Variants in ANGPT2 observed in about 807,000 individuals in gnomAD.
ANGPT2 encodes angiopoietin-2.
A neutral mutation model predicts 62.9 loss-of-function variants in ANGPT2; 28 were observed. That is an observed-to-expected ratio of 0.44 (90% CI 0.33 to 0.61). ANGPT2 has a LOEUF of 0.61. ANGPT2 is among the 20% of genes least tolerant of loss of function. ANGPT2 has a pLI of 0.03. For missense variants in ANGPT2, 727 were observed against 594.9 expected, an observed-to-expected ratio of 1.22 and a Z score of -2.31; for synonymous variants, 284 against 207.8, an observed-to-expected ratio of 1.37 and a Z score of -3.15.
chr8:6,544,729 A>G (rs1002653564), intron 1 of ANGPT2, among the ~76,000 whole-genome samples: 12 of 152,216 alleles, frequency 7.9e-5, no homozygotes, highest in African/African-American at 2.7e-4. Context: ...ATTCATTAAG[A>G]TAAAGACACA....
At chr8:6,516,705 AATG>A (rs1227234434) in intron 5 of ANGPT2, among the ~76,000 whole-genome samples, 1 of 152,190 alleles carries the variant, frequency 6.6e-6, no homozygotes, top group Non-Finnish European at 1.5e-5. Context: ...CTGTATCCTA[AATG>A]GTATGCTCTT....
At chr8:6,505,249 C>T (rs1183058968) in intron 8 of ANGPT2, among the ~76,000 whole-genome samples, 164 of 16,210 alleles carry the variant, frequency 0.01, 26 homozygotes, top group African/African-American at 0.024. Flanking sequence ...AATATATATT[C>T]TTTATATATG....
At chr8:6,506,039 TC>T (rs1175393822) in intron 8 of ANGPT2, among the ~76,000 whole-genome samples, 3 of 147,718 alleles carry the variant, frequency 2.0e-5, no homozygotes, top group African/African-American at 7.4e-5. Flanking sequence ...ATATATATAT[TC>T]TTTATATATA....
At chr8:6,525,217 A>G (rs566229779) in intron 3 of ANGPT2, among the ~76,000 whole-genome samples, 7 of 152,300 alleles carry the variant, frequency 4.6e-5, no homozygotes, top group Non-Finnish European at 7.3e-5. Context: ...TAGATATTCA[A>G]TTGTAGCTCT....
At chr8:6,554,784 A>G (rs998099494) in intron 1 of ANGPT2, among the ~76,000 whole-genome samples, 1 of 152,142 alleles carries the variant, frequency 6.6e-6, no homozygotes, top group Admixed American at 6.5e-5. Context: ...GGTTTCAATC[A>G]GGTTCTAGAT....
At chr8:6,519,809 A>T (rs2442622) in intron 5 of ANGPT2, 55 bp downstream of exon 5, 196,076 of 1,593,152 alleles carry the variant, frequency 0.12, 15,455 homozygotes, top group African/African-American at 0.37. Context: ...TTCCTCACTC[A>T]CTAAAGTGGC....
chr8:6,562,655 G>A lies in ANGPT2; in HGVS notation c.280C>T (p.Leu94=). ...ATGGATTTTTTTCCTACCTTCATTA[G>A]CCACTGAGTGTTGTTTTCCATGATG... ...ENIMENNTQW[L]MKLENYIQDN... is the part of the protein sequence containing the mutation. Residue 94 remains leucine (L), a synonymous_variant, in exon 1 of 9, where the codon CTA becomes TTA. Coordinates refer to ENST00000629816, the MANE Select transcript of ANGPT2 (RefSeq NM_001118887.2). The A allele has an allele frequency of 6.8e-7, 1 of 1,461,326 alleles. No homozygotes were observed. The highest frequency in any genetic ancestry group is 1.2e-5 in the South Asian group (1 of 85,920). 90.5% of individuals were successfully genotyped at this position (1,461,326 alleles called of 1,614,324 possible). A position where few individuals can be genotyped will look rare whatever the true frequency, so the allele number is the denominator to read the frequency against.
At position 6,500,079 on chromosome 8, in the gene ANGPT2, C is replaced by T. The variant is rs1187893598; in HGVS notation, c.*3022G>A. 2.0e-5 allele frequency: 14 copies of T among 701,514 alleles called. No homozygotes were observed. Among genetic ancestry groups the T allele is most frequent in the Non-Finnish European group, 2.8e-5 (11 of 393,874 alleles). 43.5% of individuals were successfully genotyped at this position (701,514 alleles called of 1,614,324 possible). On this transcript the variant is annotated 3_prime_UTR_variant, in exon 9 of 9. Coordinates refer to ENST00000629816, the MANE Select transcript of ANGPT2 (RefSeq NM_001118887.2). ...ATTCACAGAACTTAACACCTTTTAT[C>T]AATTTATTCGCGAGAACAAATGTGA...
At chr8:6,522,941 G>A (rs1021379147) in intron 3 of ANGPT2, among the ~76,000 whole-genome samples, 3 of 151,706 alleles carry the variant, frequency 2.0e-5, no homozygotes, top group African/African-American at 2.4e-5. Flanking sequence ...TCTAACCAGC[G>A]CTATGGCATG....
rs149383060 is a variant in ANGPT2 at position 6,513,719 on chromosome 8, C to G, written c.1155G>C (p.Leu385Phe). Residue 385 changes from leucine (L) to phenylalanine (F), a missense_variant, in exon 7 of 9, where the codon TTG becomes TTC. Coordinates refer to ENST00000629816, the MANE Select transcript of ANGPT2 (RefSeq NM_001118887.2). Reference sequence around the variant, plus strand: ...CACTTGAGAGATAGAAATGTTCATACAATGAGTAAGCCTCATTCCCTTCCC... The same window carrying G: ...CACTTGAGAGATAGAAATGTTCATAGAATGAGTAAGCCTCATTCCCTTCCC... ...KDWEGNEAYS[L>F]YEHFYLSSEE... 4,091 of 1,613,360 alleles carry G rather than the reference C, an allele frequency of 2.5e-3. 8 individuals carry two copies. Among genetic ancestry groups the G allele is most frequent in the Non-Finnish European group, 3.2e-3 (3,765 of 1,179,700 alleles).
chr8:6,549,754 T>C (rs1823285860), intron 1 of ANGPT2, among the ~76,000 whole-genome samples: 1 of 152,160 alleles, frequency 6.6e-6, no homozygotes. Context: ...GGGAGCCACG[T>C]GCAGGGCAGC....
intron 3 of ANGPT2, among the ~76,000 whole-genome samples, chr8:6,522,942 C>G (rs185606782): frequency 1.1e-3 from 171 of 152,172 alleles, no homozygotes; most frequent in Non-Finnish European, 2.0e-3. Context: ...CTAACCAGCG[C>G]TATGGCATGT....
intron 3 of ANGPT2, among the ~76,000 whole-genome samples, chr8:6,525,630 G>A (rs1216000595): frequency 6.6e-6 from 1 of 152,158 alleles, no homozygotes; most frequent in South Asian, 2.1e-4. Context: ...GCATATTTTT[G>A]TAATGATATA....
intron 8 of ANGPT2, among the ~76,000 whole-genome samples, chr8:6,505,739 ATTC>A (rs1189556782): frequency 3.0e-5 from 4 of 134,398 alleles, no homozygotes; most frequent in East Asian, 2.1e-4. Flanking sequence ...TTCTATATAT[ATTC>A]TTTATATATA....
At chr8:6,546,961 G>C (rs1822699899) in intron 1 of ANGPT2, among the ~76,000 whole-genome samples, 1 of 152,188 alleles carries the variant, frequency 6.6e-6, no homozygotes, top group Non-Finnish European at 1.5e-5. Flanking sequence ...CAAGCTGGCT[G>C]GTTAGTCCTG....
rs774544582 is a variant in ANGPT2 at position 6,519,922 on chromosome 8, C to G, written c.869G>C (p.Gly290Ala). Residue 290 changes from glycine to alanine, a missense_variant, in exon 5 of 9, where the codon GGA (glycine) becomes GCA (alanine). Transcript: ENST00000629816. ...CGTGTAGATGCCATTCGTGGTGTGT[C>G]CTGATTTGAATACTTCAGCACAGTC... Reference protein sequence around the residue: ...FRDCAEVFKSGHTTNGIYTLT... With the variant: ...FRDCAEVFKSAHTTNGIYTLT... 3.1e-6 allele frequency: 5 copies of G among 1,612,916 alleles called. No homozygotes were observed. The highest frequency in any genetic ancestry group is 2.7e-5 in the African/African-American group (2 of 74,712).
chr8:6,541,087 TG>T (rs1485917005), intron 1 of ANGPT2, among the ~76,000 whole-genome samples: 1 of 152,172 alleles, frequency 6.6e-6, no homozygotes, highest in East Asian at 1.9e-4. Flanking sequence ...TCCCTAGGCA[TG>T]GCCTGGGGGT....
At chr8:6,527,900 T>TTTTTTTTTTTC in intron 2 of ANGPT2, among the ~76,000 whole-genome samples, 1 of 71,772 alleles carries the variant, frequency 1.4e-5, no homozygotes, top group Non-Finnish European at 3.0e-5. Flanking sequence ...CACGTCTCTA[T>TTTTTTTTTTTC]TTTTTTTTTT....
chr8:6,503,495 CCTTGTG>C (rs1186697102), intron 8 of ANGPT2, among the ~76,000 whole-genome samples: 1 of 152,174 alleles, frequency 6.6e-6, no homozygotes, highest in Non-Finnish European at 1.5e-5. Flanking sequence ...CCACCTTTTC[CCTTGTG>C]CTGTGTGGAG....
Sources: allele counts gnomAD v4.1 joint callset (sites outside exome capture counted in the v4.1 genomes callset), GRCh38; gene constraint gnomAD v4.1.1; transcripts MANE v1.5; gene names NCBI Gene and HGNC (gene_info 2026-07-23, HGNC 2026-07-21).